Variants in PARP8 observed in about 807,000 individuals in gnomAD.
PARP8 encodes poly(ADP-ribose) polymerase family member 8, also known as protein mono-ADP-ribosyltransferase PARP8.
PARP8 carries 51 observed loss-of-function variants against 124.1 expected under a neutral mutation model. The ratio of observed to expected loss-of-function variants is 0.41; its 90% confidence interval spans 0.33 to 0.52. The LOEUF is 0.52. Ranked by LOEUF, PARP8 falls within the 20% of genes least tolerant of loss-of-function variation. The pLI, the probability that PARP8 is intolerant of heterozygous loss-of-function variation, is 0.21. For synonymous variants in PARP8, 391 were observed against 361.5 expected (o/e 1.08, Z -0.93); for missense variants, 860 against 1,018.9 (o/e 0.84, Z 2.12).
At chr5:50,670,660 A>G (rs1749905573) in intron 2 of PARP8, among the ~76,000 whole-genome samples, 1 of 152,190 alleles carries the variant, frequency 6.6e-6, no homozygotes, top group African/African-American at 2.4e-5. Flanking sequence ...TCATGGAATT[A>G]TATCCTTGCT....
At chr5:50,838,717 A>T (rs2149729955) in intron 25 of PARP8, among the ~76,000 whole-genome samples, 1 of 152,116 alleles carries the variant, frequency 6.6e-6, no homozygotes, top group East Asian at 1.9e-4. Flanking sequence ...CTTCTACCTT[A>T]CTTCAGTTAC....
chr5:50,672,348 C>A (rs900143986), intron 2 of PARP8, among the ~76,000 whole-genome samples: 14 of 152,178 alleles, frequency 9.2e-5, no homozygotes, highest in African/African-American at 2.9e-4. Flanking sequence ...GCCCAGTATT[C>A]TTCTAAGTAA....
chr5:50,697,398 T>C (rs1382350606), intron 2 of PARP8, among the ~76,000 whole-genome samples: 1 of 152,268 alleles, frequency 6.6e-6, no homozygotes, highest in Non-Finnish European at 1.5e-5. Context: ...TTTCAAATCC[T>C]GTGCAGCAGG....
rs1747696224 is a variant in PARP8 at position 50,837,351 on chromosome 5, A to G, written c.2462+2336A>G. Among the ~76,000 whole-genome samples, 2 of 152,108 alleles carry G rather than the reference A, an allele frequency of 1.3e-5. 1 individual carries two copies. The highest frequency in any genetic ancestry group is 4.1e-4 in the South Asian group (2 of 4,828). ...TTCATTAATATGCATTCTAATTACAACCATCAGTTTCTCTATAAAAGATAT... is the reference window on the plus strand; with the variant it reads ...TTCATTAATATGCATTCTAATTACAGCCATCAGTTTCTCTATAAAAGATAT... On this transcript the variant is annotated intron_variant, in intron 25 of 25. Coordinates refer to ENST00000281631, the MANE Select transcript of PARP8 (RefSeq NM_024615.4).
rs1346059058 is a variant in PARP8 at position 50,748,976 on chromosome 5, A to G, written c.147-1175A>G. Among the ~76,000 whole-genome samples the G allele has an allele frequency of 3.9e-5, 6 of 152,298 alleles. No homozygotes were observed. In the East Asian group the frequency reaches 9.6e-4, roughly 24 times the overall value. On this transcript the variant is annotated intron_variant, in intron 2 of 25. Transcript: ENST00000281631. Reference sequence around the variant, plus strand: ...ATATACAAATGTTTGCTCTTTTGCTAGTGCCCCATAAGTCACTGATAGTCT... The same window carrying G: ...ATATACAAATGTTTGCTCTTTTGCTGGTGCCCCATAAGTCACTGATAGTCT...
intron 2 of PARP8, among the ~76,000 whole-genome samples, chr5:50,670,982 C>A (rs951856328): frequency 6.6e-6 from 1 of 151,978 alleles, no homozygotes; most frequent in Admixed American, 6.6e-5. Context: ...CTTGATAATC[C>A]CCCTGATTCC....
At chr5:50,789,970 T>C (rs1324410381) in intron 10 of PARP8, among the ~76,000 whole-genome samples, 1 of 152,190 alleles carries the variant, frequency 6.6e-6, no homozygotes, top group Non-Finnish European at 1.5e-5. Flanking sequence ...TTTTGCCTGA[T>C]GTAGGAAGCC....
At chr5:50,708,016 A>C (rs139117548) in intron 2 of PARP8, among the ~76,000 whole-genome samples, 3 of 152,136 alleles carry the variant, frequency 2.0e-5, no homozygotes, top group Non-Finnish European at 4.4e-5. Context: ...CTGTTACACC[A>C]TAAGTATATA....
intron 6 of PARP8, among the ~76,000 whole-genome samples, chr5:50,762,555 T>C (rs540107836): frequency 6.6e-6 from 1 of 152,296 alleles, no homozygotes; most frequent in South Asian, 2.1e-4. Flanking sequence ...TTGGATAGTA[T>C]AATGGGAGGG....
intron 22 of PARP8, among the ~76,000 whole-genome samples, chr5:50,832,200 A>G (rs554492746): frequency 6.6e-6 from 1 of 152,342 alleles, no homozygotes; most frequent in East Asian, 1.9e-4. Context: ...AATAAAGTGT[A>G]GATACAAATC....
chr5:50,683,203 A>C (rs1436442196), intron 2 of PARP8, among the ~76,000 whole-genome samples: 1 of 152,152 alleles, frequency 6.6e-6, no homozygotes, highest in Non-Finnish European at 1.5e-5. Context: ...GATTGTGAAC[A>C]TTTTATTTAC....
intron 7 of PARP8, among the ~76,000 whole-genome samples, chr5:50,773,022 A>G (rs1176860609): frequency 6.6e-6 from 1 of 151,846 alleles, no homozygotes; most frequent in Non-Finnish European, 1.5e-5. Context: ...AAGTCAGATT[A>G]TTTGTTTGTT....
intron 3 of PARP8, chr5:50,757,046 T>C: frequency 2.5e-6 from 1 of 407,076 alleles, no homozygotes; most frequent in South Asian, 1.8e-5. Flanking sequence ...GTTGTATATG[T>C]GTACCTCCGT....
rs1353624733 is a variant in PARP8, at chr5:50,809,154, G to A, written c.1576-6278G>A. On this transcript the variant is annotated intron_variant, in intron 14 of 25. Coordinates refer to ENST00000281631, the MANE Select transcript of PARP8 (RefSeq NM_024615.4). ...TGATCCTGTATCTTACTGTGGATCT[G>A]CCTTAATTGCTGTGGGATTCTCTCT... Among the ~76,000 whole-genome samples, 9 of 152,174 alleles carry A rather than the reference G, an allele frequency of 5.9e-5. No homozygotes were observed. The South Asian group carries it at 1.9e-3, about 32-fold the overall frequency.
intron 2 of PARP8, among the ~76,000 whole-genome samples, chr5:50,740,239 T>G (rs1244019747): frequency 6.6e-6 from 1 of 152,126 alleles, no homozygotes; most frequent in Non-Finnish European, 1.5e-5. Context: ...GTGTAACTGC[T>G]CCGTAGTAAG....
At chr5:50,684,501 A>G (rs1047518916) in intron 2 of PARP8, among the ~76,000 whole-genome samples, 3 of 151,864 alleles carry the variant, frequency 2.0e-5, no homozygotes, top group Admixed American at 1.3e-4. Flanking sequence ...AAGGTTTTAT[A>G]TATATTCATA....
intron 2 of PARP8, among the ~76,000 whole-genome samples, chr5:50,740,486 G>A (rs1453236855): frequency 6.6e-6 from 1 of 152,138 alleles, no homozygotes; most frequent in Non-Finnish European, 1.5e-5. Flanking sequence ...ACAAAGATGA[G>A]ACGCATAGAT....
intron 2 of PARP8, among the ~76,000 whole-genome samples, chr5:50,721,733 T>TTATTTAGC (rs1320998096): frequency 2.0e-5 from 3 of 152,140 alleles, no homozygotes; most frequent in African/African-American, 7.2e-5. Flanking sequence ...TACTAGTGTC[T>TTATTTAGC]TATTTAGCTA....
chr5:50,832,796 A>G lies in PARP8; in HGVS notation c.2249A>G (p.Gln750Arg), dbSNP rs1211823898. ...SFGYSGMNKK[Q>R]KVSAKDEPAS... ...ATGTTTTCAGGGATGAACAAGAAAC[A>G]GAAGGTGTCAGCCAAGGACGAGCCA... The change falls in exon 23 of 26, where the codon CAG becomes CGG. Residue 750 changes from glutamine to arginine, a missense_variant. Coordinates refer to ENST00000281631, the MANE Select transcript of PARP8 (RefSeq NM_024615.4). The G allele has an allele frequency of 6.2e-7, 1 of 1,613,432 alleles. No homozygotes were observed. The highest frequency in any genetic ancestry group is 1.3e-5 in the African/African-American group (1 of 74,900).
Sources: allele counts gnomAD v4.1 joint callset (sites outside exome capture counted in the v4.1 genomes callset), GRCh38; gene constraint gnomAD v4.1.1; transcripts MANE v1.5; gene names NCBI Gene and HGNC (gene_info 2026-07-23, HGNC 2026-07-21).